PRKAA2: variants seen among roughly 807,000 people sequenced by gnomAD.
The protein encoded by PRKAA2 is 5'-AMP-activated protein kinase catalytic subunit alpha-2.
Under a neutral mutation model 56.3 loss-of-function variants are expected in PRKAA2, and 40 were observed. The ratio of observed to expected loss-of-function variants is 0.71; its 90% CI spans 0.55 to 0.92. The LOEUF is 0.92. PRKAA2 is among the 40% of genes least tolerant of loss of function. The pLI is 0.00. For synonymous variants in PRKAA2, 214 were observed against 234.2 expected, an observed-to-expected ratio of 0.91 and a Z score of 0.79; for missense variants, 542 against 686.9, an observed-to-expected ratio of 0.79 and a Z score of 2.36.
At chr1:56,647,833 C>G (rs1440543542) in intron 1 of PRKAA2, among the ~76,000 whole-genome samples, 2 of 151,458 alleles carry the variant, frequency 1.3e-5, no homozygotes, top group African/African-American at 4.8e-5. Flanking sequence ...AGTTTGAGAC[C>G]AGCCTGGCCA....
At chr1:56,691,655 T>A (rs1244623296) in intron 3 of PRKAA2, among the ~76,000 whole-genome samples, 168 bp downstream of exon 3, 1 of 152,228 alleles carries the variant, frequency 6.6e-6, no homozygotes, top group Non-Finnish European at 1.5e-5. Flanking sequence ...AAGCATTCCT[T>A]TTGAAATACT....
At chr1:56,676,729 G>T (rs1438065064) in intron 2 of PRKAA2, among the ~76,000 whole-genome samples, 1 of 152,136 alleles carries the variant, frequency 6.6e-6, no homozygotes, top group African/African-American at 2.4e-5. Flanking sequence ...TGTACTTATT[G>T]TTAGTGAACT....
intron 1 of PRKAA2, among the ~76,000 whole-genome samples, chr1:56,672,619 A>G (rs1350220700): frequency 6.6e-6 from 1 of 152,214 alleles, no homozygotes; most frequent in Non-Finnish European, 1.5e-5. Flanking sequence ...GGCAGAGGAC[A>G]TAAAGGAAGC....
chr1:56,653,337 T>C (rs1203398894), intron 1 of PRKAA2, among the ~76,000 whole-genome samples: 1 of 151,582 alleles, frequency 6.6e-6, no homozygotes, highest in Non-Finnish European at 1.5e-5. Context: ...TTTGTTCATT[T>C]GGTGTAGCCA....
chr1:56,692,482 A>G lies in PRKAA2; in HGVS notation c.455A>G (p.Asn152Ser). Residue 152 changes from asparagine (N) to serine (S), a missense_variant, in exon 4 of 9, where the codon AAT (asparagine) becomes AGT (serine). Around this residue, in one of 5 missense-constraint regions of PRKAA2, gnomAD observed 121 missense variants for 210.0 expected, o/e 0.58. Transcript: ENST00000371244. ...AATGTCCTGTTGGATGCACACATGA[A>G]TGCCAAGATAGCCGATTTCGGTATG... ...PENVLLDAHM[N>S]AKIADFGLSN... 1 of 1,614,014 alleles carries G rather than the reference A, an allele frequency of 6.2e-7. No homozygotes were observed. Among genetic ancestry groups the G allele is most frequent in the South Asian group, 1.1e-5 (1 of 91,040 alleles).
At chr1:56,695,825 C>T (rs1442684189) in intron 5 of PRKAA2, 110 bp from the exon 6 acceptor site, 3 of 947,520 alleles carry the variant, frequency 3.2e-6, no homozygotes, top group African/African-American at 1.6e-5. Flanking sequence ...TCATTAAAGA[C>T]CTTGGAAATG....
chr1:56,690,148 C>T (rs1426249343), intron 2 of PRKAA2, among the ~76,000 whole-genome samples: 2 of 151,352 alleles, frequency 1.3e-5, no homozygotes, highest in Admixed American at 1.3e-4. Flanking sequence ...ATAACATAAG[C>T]ATAGTATCAT....
intron 1 of PRKAA2, among the ~76,000 whole-genome samples, chr1:56,654,221 C>T (rs1425139889): frequency 1.3e-5 from 2 of 152,058 alleles, no homozygotes; most frequent in African/African-American, 4.8e-5. Context: ...CTTTTTCATG[C>T]TGACACAACC....
chr1:56,672,416 C>T (rs1460380314), intron 1 of PRKAA2, among the ~76,000 whole-genome samples: 1 of 152,044 alleles, frequency 6.6e-6, no homozygotes, highest in Admixed American at 6.6e-5. Context: ...CATGCTTGGC[C>T]CTTGAATTTA....
chr1:56,649,766 C>T (rs1646672378), intron 1 of PRKAA2, among the ~76,000 whole-genome samples: 1 of 152,080 alleles, frequency 6.6e-6, no homozygotes, highest in African/African-American at 2.4e-5. Context: ...TGTGTCCCAC[C>T]ATGCCCAACT....
In PRKAA2 at chr1:56,707,873, C is replaced by G. The variant is rs1378079697; in HGVS notation, c.*160C>G. The G allele has an allele frequency of 1.5e-6, 1 of 685,332 alleles. No individual in the cohort carries two copies. The highest frequency in any genetic ancestry group is 2.4e-6 in the Non-Finnish European group (1 of 412,302). The allele number at this position is 685,332 out of a possible 1,614,324, so 42.5% of individuals were successfully genotyped here. A position where few individuals can be genotyped will look rare whatever the true frequency, so the allele number is the denominator to read the frequency against. ...ATTGAAATTACTGAAAACAAAATAT[C>G]TGACATCTTATTTACTTGTAGAAAT... On this transcript the variant is annotated 3_prime_UTR_variant, in exon 9 of 9. Coordinates refer to ENST00000371244, the MANE Select transcript of PRKAA2 (RefSeq NM_006252.4).
intron 5 of PRKAA2, among the ~76,000 whole-genome samples, chr1:56,695,170 A>AT (rs1482560154): frequency 1.5e-5 from 2 of 134,862 alleles, no homozygotes; most frequent in African/African-American, 5.6e-5. Context: ...CTCTCTCTAT[A>AT]TATATGATAT....
Position 56,713,861 on chromosome 1 carries a change from A to C in PRKAA2, c.*6148A>C, listed in dbSNP as rs962019108. The C allele has an allele frequency of 6.6e-6, 1 of 151,318 alleles. No individual in the cohort carries two copies. Among genetic ancestry groups the C allele is most frequent in the Non-Finnish European group, 1.5e-5 (1 of 67,864 alleles). The allele number at this position is 151,318 out of a possible 1,614,324, so 9.4% of individuals were successfully genotyped here. On this transcript the variant is annotated 3_prime_UTR_variant, in exon 9 of 9. Coordinates refer to ENST00000371244, the MANE Select transcript of PRKAA2 (RefSeq NM_006252.4). ...GATCCACTGTTCTAAAAAAAAAAAA[A>C]AAAAAAAACACTAAATTGTGCCTTC...
intron 4 of PRKAA2, among the ~76,000 whole-genome samples, chr1:56,693,413 T>C (rs1168883546): frequency 3.3e-5 from 5 of 152,188 alleles, no homozygotes; most frequent in Non-Finnish European, 5.9e-5. Context: ...AAAGTAGTAG[T>C]CTCTATTTTA....
intron 2 of PRKAA2, among the ~76,000 whole-genome samples, chr1:56,678,591 T>C (rs768820454): frequency 6.6e-6 from 1 of 152,218 alleles, no homozygotes; most frequent in South Asian, 2.1e-4. Context: ...ATTTGTTGAA[T>C]TGATTTTTGT....
chr1:56,655,280 A>ATATATATATTTTTTTTTTTTTT, intron 1 of PRKAA2, among the ~76,000 whole-genome samples: 21 of 93,644 alleles, frequency 2.2e-4, no homozygotes, highest in Admixed American at 5.4e-4. Flanking sequence ...ATATATATAT[A>ATATATATATTTTTTTTTTTTTT]TTTTTTTTTT....
chr1:56,679,950 C>T (rs1392975552), intron 2 of PRKAA2, among the ~76,000 whole-genome samples: 3 of 152,108 alleles, frequency 2.0e-5, no homozygotes, highest in African/African-American at 7.2e-5. Flanking sequence ...TTATGATTTT[C>T]CTAATAACAT....
rs998892791 is a variant in PRKAA2, at chr1:56,708,541, C to T, written c.*828C>T. The T allele has an allele frequency of 1.3e-5, 2 of 152,140 alleles. No homozygotes were observed. Among genetic ancestry groups the T allele is most frequent in the Non-Finnish European group, 2.9e-5 (2 of 68,032 alleles). 9.4% of individuals were successfully genotyped at this position (152,140 alleles called of 1,614,324 possible). A position where few individuals can be genotyped will look rare whatever the true frequency, so the allele number is the denominator to read the frequency against. On this transcript the variant is annotated 3_prime_UTR_variant, in exon 9 of 9. Coordinates refer to ENST00000371244, the MANE Select transcript of PRKAA2 (RefSeq NM_006252.4). ...TGCCTCTATTTATTTTTGCATTTCA[C>T]CAACAGTGATAAAATAGTTAAATGA...
intron 1 of PRKAA2, among the ~76,000 whole-genome samples, chr1:56,673,029 C>T (rs866948781): frequency 6.6e-6 from 1 of 152,060 alleles, no homozygotes; most frequent in Middle Eastern, 3.4e-3. Flanking sequence ...GGGTTCAAGG[C>T]CAAAGTTGAC....
Sources: gnomAD v4.1 joint callset for allele counts (sites outside exome capture counted in the v4.1 genomes callset) on GRCh38, gnomAD v4.1.1 for gene constraint, gnomAD v4.1.1 regional missense constraint, MANE v1.5 for transcripts, NCBI Gene and HGNC (gene_info 2026-07-23, HGNC 2026-07-21) for gene names.